UGT1A6: variants seen among roughly 807,000 people sequenced by gnomAD.
UGT1A6 encodes the protein UDP glucuronosyltransferase family 1 member A6, also known as UDP-glucuronosyltransferase 1A6.
UGT1A6 carries 32 observed loss-of-function variants against 44.4 expected under a neutral mutation model. The ratio of observed to expected loss-of-function variants is 0.72; its 90% CI spans 0.54 to 0.97. UGT1A6 has a LOEUF of 0.97. Among genes scored for constraint, UGT1A6 ranks in the 50% least tolerant of loss-of-function variants. The pLI, the probability that UGT1A6 is intolerant of heterozygous loss-of-function variation, is 0.00. For missense variants in UGT1A6, 685 were observed against 661.9 expected (o/e 1.03, Z -0.38); for synonymous variants, 238 against 248.5 (o/e 0.96, Z 0.40).
At chr2:233,726,576 C>A (rs1575567713) in intron 1 of UGT1A6, among the ~76,000 whole-genome samples, 1 of 152,154 alleles carries the variant, frequency 6.6e-6, no homozygotes, top group East Asian at 1.9e-4. Flanking sequence ...CGCCTGTCTC[C>A]TTCACTTGTA....
intron 1 of UGT1A6, among the ~76,000 whole-genome samples, chr2:233,739,715 G>A (rs1691183669): frequency 1.3e-5 from 2 of 152,136 alleles, no homozygotes; most frequent in Admixed American, 6.5e-5. Context: ...TGGGGGAAGG[G>A]ACTTGACTTG....
In UGT1A6 at chr2:233,714,350, G is replaced by A. The variant is rs530414366; in HGVS notation, c.861+20485G>A. Among the ~76,000 whole-genome samples the A allele has an allele frequency of 6.6e-5, 10 of 152,326 alleles. No homozygotes were observed. The East Asian group carries it at 9.6e-4, about 15-fold the overall frequency. On this transcript the variant is annotated intron_variant, in intron 1 of 4. Transcript: ENST00000305139. ...GACCTAAGCACTCAGAGGAAGTAGAGGTTTCAAAGAAGTTGACTCAGTTCA... is the reference window on the plus strand; with the variant it reads ...GACCTAAGCACTCAGAGGAAGTAGAAGTTTCAAAGAAGTTGACTCAGTTCA...
intron 1 of UGT1A6, among the ~76,000 whole-genome samples, chr2:233,764,543 G>A (rs1413559282): frequency 2.6e-5 from 4 of 152,222 alleles, no homozygotes; most frequent in South Asian, 2.1e-4. Context: ...CTGAGTGGGC[G>A]TGTGGGAGGG....
intron 1 of UGT1A6, among the ~76,000 whole-genome samples, chr2:233,737,902 TA>T (rs1468589686): frequency 1.3e-5 from 2 of 152,134 alleles, no homozygotes; most frequent in Non-Finnish European, 2.9e-5. Context: ...TCGAGTGTGG[TA>T]AAGAACAGGC....
Position 233,742,052 on chromosome 2 carries a change from GT to G in UGT1A6, c.862-24980del, listed in dbSNP as rs1691857314. On this transcript the variant is annotated intron_variant, in intron 1 of 4. Coordinates refer to ENST00000305139, the MANE Select transcript of UGT1A6 (RefSeq NM_001072.4). ...ATGTCCCAAGCATAGCAATAGGATA[GT>G]TCTGTGTGGCCTTATGGAGATCCTT... 2.0e-5 allele frequency: 3 copies of G among 151,942 alleles called. 1 individual carries two copies. Among genetic ancestry groups the G allele is most frequent in the African/African-American group, 7.3e-5 (3 of 41,170 alleles). The allele number at this position is 151,942 out of a possible 1,614,324, so 9.4% of individuals were successfully genotyped here.
intron 4 of UGT1A6, 67 bp from the exon 5 acceptor site, chr2:233,772,195 G>A (rs1700480706): frequency 1.9e-6 from 3 of 1,602,230 alleles, no homozygotes; most frequent in Non-Finnish European, 2.6e-6. Flanking sequence ...AAGCAGCCAT[G>A]AGCATAAAGA....
intron 1 of UGT1A6, among the ~76,000 whole-genome samples, chr2:233,756,690 C>T (rs1266086020): frequency 6.6e-6 from 1 of 152,102 alleles, no homozygotes; most frequent in Non-Finnish European, 1.5e-5. Flanking sequence ...TATATAATGA[C>T]GATGAATTTT....
intron 1 of UGT1A6, among the ~76,000 whole-genome samples, chr2:233,737,794 C>T (rs140109342): frequency 3.4e-4 from 51 of 152,152 alleles, no homozygotes; most frequent in African/African-American, 1.2e-3. Flanking sequence ...TGGCTCAAAT[C>T]TTCACTATCA....
chr2:233,749,248 ATTT>A (rs1216234192), intron 1 of UGT1A6, among the ~76,000 whole-genome samples: 1 of 151,808 alleles, frequency 6.6e-6, no homozygotes, highest in Non-Finnish European at 1.5e-5. Context: ...AAACCACATG[ATTT>A]TTTTATTGGT....
chr2:233,758,800 G>A (rs970637590), intron 1 of UGT1A6, among the ~76,000 whole-genome samples: 4 of 152,152 alleles, frequency 2.6e-5, no homozygotes, highest in African/African-American at 9.7e-5. Flanking sequence ...TCTTGGAATT[G>A]TATAGTACAG....
At position 233,767,164 on chromosome 2, in the gene UGT1A6, C is replaced by G. The variant is rs1699322267; in HGVS notation, c.992C>G (p.Thr331Arg). ...GATGCTTTGGGCAAAATCCCTCAGA[C>G]AGTAAGAAGATTCTATACCATGGCC... is the stretch of plus-strand genomic sequence containing the variant. Reference protein sequence around the residue: ...IADALGKIPQTVLWRYTGTRP... With the variant: ...IADALGKIPQRVLWRYTGTRP... The change falls in exon 2 of 5, where the codon ACA (threonine) becomes AGA (arginine). Residue 331 changes from threonine (T) to arginine (R), a missense_variant and splice_region_variant. Transcript: ENST00000305139. The G allele has an allele frequency of 6.2e-7, 1 of 1,614,090 alleles. No homozygotes were observed.
chr2:233,751,170 A>T (rs1445268336), intron 1 of UGT1A6, among the ~76,000 whole-genome samples: 1 of 151,986 alleles, frequency 6.6e-6, no homozygotes. Flanking sequence ...CATGACCTAG[A>T]TATGAGACAT....
rs755218546 is a variant in UGT1A6 at position 233,767,936 on chromosome 2, G to A, written c.1081G>A (p.Gly361Ser). The A allele has an allele frequency of 2.4e-5, 38 of 1,614,052 alleles. No homozygotes were observed. In the South Asian group the frequency reaches 4.2e-4, roughly 18 times the overall value. Residue 361 changes from glycine (G) to serine (S), a missense_variant and splice_region_variant, in exon 3 of 5, where the codon GGT becomes AGT. Coordinates refer to ENST00000305139, the MANE Select transcript of UGT1A6 (RefSeq NM_001072.4). ...GTGGCTACCCCAAAACGATCTGCTT[G>A]GTATGTTGGGCGGATTGGATGTATA... ...VKWLPQNDLL[G>S]HPMTRAFITH...
Position 233,768,355 on chromosome 2 carries a change from A to AG in UGT1A6, c.1220dup (p.Ala408SerfsTer13), listed in dbSNP as rs758192306. 7.4e-6 allele frequency: 12 copies of AG among 1,614,082 alleles called. No individual in the cohort carries two copies. Among genetic ancestry groups the AG allele is most frequent in the Non-Finnish European group, 1.0e-5 (12 of 1,180,036 alleles). On this transcript the variant is annotated frameshift_variant, in exon 4 of 5. Transcript: ENST00000305139. LOFTEE classifies it high-confidence loss of function. The stretch of plus-strand genomic sequence containing the variant: ...GACAATGCAAAGCGCATGGAGACTA[A>AG]GGGAGCTGGAGTGACCCTGAATGTT...
intron 1 of UGT1A6, chr2:233,718,070 C>G (rs2076625886): frequency 2.9e-6 from 1 of 346,404 alleles, no homozygotes; most frequent in Non-Finnish European, 5.7e-6. Flanking sequence ...TGGGTCCTTG[C>G]TAGGGTTGTC....
At chr2:233,738,343 T>C (rs1471318863) in intron 1 of UGT1A6, among the ~76,000 whole-genome samples, 1 of 152,180 alleles carries the variant, frequency 6.6e-6, no homozygotes, top group Non-Finnish European at 1.5e-5. Context: ...TAAATTGGTG[T>C]CATGGAGAGT....
intron 1 of UGT1A6, among the ~76,000 whole-genome samples, chr2:233,696,494 A>G (rs1286890486): frequency 2.0e-5 from 3 of 152,178 alleles, no homozygotes; most frequent in Admixed American, 6.5e-5. Context: ...ACTTTACCGA[A>G]TTTGCTTGTC....
chr2:233,712,950 C>A (rs2076262788), intron 1 of UGT1A6: 1 of 1,612,726 alleles, frequency 6.2e-7, no homozygotes, highest in South Asian at 1.1e-5. Context: ...CTAGGAGGCA[C>A]AACGTGGGGT....
At chr2:233,691,705 C>A (rs1249227903), upstream of UGT1A6, 2 of 943,176 alleles carry the variant, frequency 2.1e-6, no homozygotes, top group African/African-American at 1.8e-5. Flanking sequence ...AGGAGTCACT[C>A]CCCTGGCAGA....
Sources: allele counts gnomAD v4.1 joint callset (sites outside exome capture counted in the v4.1 genomes callset), GRCh38; gene constraint gnomAD v4.1.1; transcripts MANE v1.5; gene names NCBI Gene and HGNC (gene_info 2026-07-23, HGNC 2026-07-21).